The following SCOC variants were observed in gnomAD, a reference collection of about 807,000 sequenced individuals.
SCOC encodes the protein short coiled coil protein.
Under a neutral mutation model 9.9 loss-of-function variants are expected in SCOC, and 7 were observed. That is an observed-to-expected ratio of 0.71 (90% CI 0.40 to 1.33). The LOEUF (loss-of-function observed/expected upper bound fraction) is 1.33, where lower values mean the gene tolerates loss of function less well. Among genes scored for constraint, SCOC ranks in the 40% most tolerant of loss-of-function variants. SCOC has a pLI of 0.01. For synonymous variants in SCOC, 19 were observed against 28.2 expected, an observed-to-expected ratio of 0.67 and a Z score of 1.03; for missense variants, 66 against 89.7, an observed-to-expected ratio of 0.74 and a Z score of 1.07.
chr4:140,368,702 A>T (rs4956293), upstream of SCOC, among the ~76,000 whole-genome samples: 4 of 152,182 alleles, frequency 2.6e-5, no homozygotes, highest in African/African-American at 9.7e-5. Context: ...TAGTAATCTA[A>T]GTTGCAGGAG....
chr4:140,362,187 G>A (rs567427531), intron 2 of SCOC, among the ~76,000 whole-genome samples: 3 of 105,794 alleles, frequency 2.8e-5, no homozygotes, highest in Non-Finnish European at 4.2e-5. Context: ...GCTTCACTGC[G>A]ATGAGTGTTA....
At chr4:140,301,195 A>G (rs1731800592) in intron 1 of SCOC, among the ~76,000 whole-genome samples, 1 of 152,094 alleles carries the variant, frequency 6.6e-6, no homozygotes. Context: ...TGAGTATCTG[A>G]GGCGGAATGT....
chr4:140,338,563 C>G (rs1402450554), upstream of SCOC, among the ~76,000 whole-genome samples: 3 of 152,110 alleles, frequency 2.0e-5, no homozygotes. Context: ...TCGTCTCAGC[C>G]CAAAATCTCC....
chr4:140,281,890 GA>G (rs1731106242), intron 1 of SCOC, among the ~76,000 whole-genome samples: 2 of 152,288 alleles, frequency 1.3e-5, no homozygotes, highest in Admixed American at 6.5e-5. Context: ...GTTTGTGGGG[GA>G]AAATGCATTT....
chr4:140,282,574 GAGAA>G (rs1271406376), intron 1 of SCOC, among the ~76,000 whole-genome samples: 1 of 152,154 alleles, frequency 6.6e-6, no homozygotes, highest in African/African-American at 2.4e-5. Flanking sequence ...CAGATGCACA[GAGAA>G]AGAGAATACG....
chr4:140,306,091 T>G (rs189284983), intron 1 of SCOC, among the ~76,000 whole-genome samples: 49 of 152,244 alleles, frequency 3.2e-4, no homozygotes, highest in Middle Eastern at 3.4e-3. Context: ...GGGTAGTTTA[T>G]AAAGGAAAAA....
chr4:140,328,220 C>G (rs1732707094), intron 1 of SCOC, among the ~76,000 whole-genome samples: 1 of 152,164 alleles, frequency 6.6e-6, no homozygotes, highest in Admixed American at 6.5e-5. Context: ...CCTATTTTTG[C>G]TTTAAACCTA....
intron 1 of SCOC, among the ~76,000 whole-genome samples, chr4:140,311,386 A>C (rs539571651): frequency 6.6e-6 from 1 of 152,334 alleles, no homozygotes; most frequent in East Asian, 1.9e-4. Flanking sequence ...GAGGGAGTAC[A>C]TTAACTCATA....
intron 1 of SCOC, among the ~76,000 whole-genome samples, chr4:140,272,839 C>T (rs78635018): frequency 1.3e-3 from 193 of 152,238 alleles, no homozygotes; most frequent in African/African-American, 4.5e-3. Flanking sequence ...GGGAAGGCTC[C>T]GGTCTTCACT....
At chr4:140,371,361 A>G (rs1728048749), upstream of SCOC, among the ~76,000 whole-genome samples, 1 of 152,188 alleles carries the variant, frequency 6.6e-6, no homozygotes, top group Admixed American at 6.5e-5. Flanking sequence ...ATATACAGAC[A>G]TACGCTTTTC....
chr4:140,319,873 C>T (rs562798615), intron 1 of SCOC, among the ~76,000 whole-genome samples: 1 of 152,186 alleles, frequency 6.6e-6, no homozygotes, highest in South Asian at 2.1e-4. Flanking sequence ...CAGGGAGAAA[C>T]AGTATTCAAG....
At chr4:140,259,135 A>T (rs762233146) in intron 1 of SCOC, among the ~76,000 whole-genome samples, 5 of 152,246 alleles carry the variant, frequency 3.3e-5, no homozygotes, top group Non-Finnish European at 5.9e-5. Flanking sequence ...CAAGGCTCAG[A>T]AACAGAGGAA....
At chr4:140,300,783 T>A (rs1436098553) in intron 1 of SCOC, among the ~76,000 whole-genome samples, 1 of 152,178 alleles carries the variant, frequency 6.6e-6, no homozygotes, top group Admixed American at 6.5e-5. Flanking sequence ...GTCTAAGTGG[T>A]TTTAAGGAAA....
chr4:140,353,409 TTTTC>T (rs1346511630), intron 2 of SCOC, among the ~76,000 whole-genome samples: 1 of 151,508 alleles, frequency 6.6e-6, no homozygotes, highest in Admixed American at 6.6e-5. Flanking sequence ...CTTTTTTTCT[TTTTC>T]TTTTTTTTTT....
At position 140,283,435 on chromosome 4, in the gene SCOC, AC is replaced by A. The variant is rs970288795; in HGVS notation, c.-19+26026del. ...AGCAAATGGAGTCAAAGTTCTGATTACTTTTTCCTATAACACTACAAGCATT... is the reference window on the plus strand; with the variant it reads ...AGCAAATGGAGTCAAAGTTCTGATTATTTTTCCTATAACACTACAAGCATT... On this transcript the variant is annotated intron_variant, in intron 1 of 4. Coordinates refer to the SCOC transcript ENST00000394205. Among the ~76,000 whole-genome samples the A allele has an allele frequency of 3.9e-5, 6 of 152,218 alleles. 1 individual carries two copies. Among genetic ancestry groups the A allele is most frequent in the Admixed American group, 2.0e-4 (3 of 15,286 alleles).
intron 1 of SCOC, among the ~76,000 whole-genome samples, 157 bp from the exon 2 acceptor site, chr4:140,378,964 T>G (rs1728457952): frequency 6.6e-6 from 1 of 152,190 alleles, no homozygotes; most frequent in Non-Finnish European, 1.5e-5. Flanking sequence ...ACTATTTATA[T>G]CCTTTGCTTA....
At chr4:140,286,729 G>A (rs1369823723) in intron 1 of SCOC, among the ~76,000 whole-genome samples, 2 of 152,216 alleles carry the variant, frequency 1.3e-5, no homozygotes, top group African/African-American at 2.4e-5. Context: ...AATACTGGGC[G>A]GTGTGGTGTG....
At chr4:140,312,500 C>G (rs1301212686) in intron 1 of SCOC, among the ~76,000 whole-genome samples, 1 of 152,164 alleles carries the variant, frequency 6.6e-6, no homozygotes, top group Non-Finnish European at 1.5e-5. Context: ...GCCGTTATAG[C>G]TCACTGTAAC....
rs1254528758 is a variant in SCOC, at chr4:140,277,788, G to C, written c.-19+20378G>C. Among the ~76,000 whole-genome samples, 6 of 152,214 alleles carry C rather than the reference G, an allele frequency of 3.9e-5. No individual in the cohort carries two copies. The East Asian group carries it at 1.2e-3, about 29-fold the overall frequency. ...TCACTTAACAAATACACACACAGAG[G>C]ATGCATGTTTGTTTCTAGGGAAAGG... On this transcript the variant is annotated intron_variant, in intron 1 of 4. Coordinates refer to the SCOC transcript ENST00000394205.
Sources: allele counts gnomAD v4.1 joint callset (sites outside exome capture counted in the v4.1 genomes callset), GRCh38; gene constraint gnomAD v4.1.1; transcripts MANE v1.5; gene names NCBI Gene and HGNC (gene_info 2026-07-23, HGNC 2026-07-21).